Variants in FGR observed in about 807,000 individuals in gnomAD.
The protein encoded by FGR is FGR proto-oncogene, Src family tyrosine kinase.
Under a neutral mutation model 63.2 loss-of-function variants are expected in FGR, and 26 were observed. The ratio of observed to expected loss-of-function variants is 0.41; its 90% confidence interval spans 0.30 to 0.57. The LOEUF (loss-of-function observed/expected upper bound fraction) is 0.57. Among genes scored for constraint, FGR ranks in the 20% least tolerant of loss-of-function variants. The probability of loss-of-function intolerance (pLI) is 0.27; values close to 1 mark genes in which losing one functional copy is unlikely to be tolerated. For synonymous variants in FGR, 286 were observed against 277.7 expected, an observed-to-expected ratio of 1.03 and a Z score of -0.30; for missense variants, 511 against 690.8, an observed-to-expected ratio of 0.74 and a Z score of 2.92.
intron 4 of FGR, among the ~76,000 whole-genome samples, chr1:27,622,356 C>A (rs1348641227): frequency 7.3e-5 from 11 of 151,720 alleles, no homozygotes; most frequent in Admixed American, 5.9e-4. Flanking sequence ...CTGTTCTCTC[C>A]CATTCTGCAT....
At position 27,615,586 on chromosome 1, in the gene FGR, G is replaced by A; in HGVS notation, c.866C>T (p.Ala289Val). 1.2e-6 allele frequency: 2 copies of A among 1,612,506 alleles called. No homozygotes were observed. The highest frequency in any genetic ancestry group is 1.7e-6 in the Non-Finnish European group (2 of 1,178,708). ...GGTGCCCGGCTTCAGCGTCTTCACC[G>A]CCACCTTAGTGCTGCCGTTCCACGT... Reference protein sequence around the residue: ...LGTWNGSTKVAVKTLKPGTMS... With the variant: ...LGTWNGSTKVVVKTLKPGTMS... Residue 289 changes from alanine to valine, a missense_variant, in exon 9 of 13, where the codon GCG becomes GTG. Ala to Val is a moderately conservative substitution (Grantham distance 64, BLOSUM62 0). Transcript: ENST00000374005. The surrounding 1 kb of genome is among the most constrained non-coding windows in gnomAD (Gnocchi z 7.6).
At position 27,615,744 on chromosome 1, in the gene FGR, G is replaced by A. The variant is rs1476547341; in HGVS notation, c.783C>T (p.Ser261=). The A allele has an allele frequency of 3.1e-6, 5 of 1,609,300 alleles. No homozygotes were observed. Among genetic ancestry groups the A allele is most frequent in the Non-Finnish European group, 4.2e-6 (5 of 1,177,846 alleles). The change falls in exon 8 of 13, where the codon AGC becomes AGT. Residue 261 remains serine, a synonymous_variant. Transcript: ENST00000374005. The surrounding 1 kb of genome is among the most constrained non-coding windows in gnomAD (Gnocchi z 7.6). The part of the protein sequence containing the change: ...LAKDAWEISR[S]SITLERRLGT... ...CCAGCCGGCGCTCCAGCGTGATGGA[G>A]CTGCGGCTGATCTCCCAGGCGTCCT...
intron 4 of FGR, among the ~76,000 whole-genome samples, chr1:27,622,288 CA>C (rs1210861502): frequency 3.2e-3 from 136 of 42,244 alleles, no homozygotes; most frequent in Middle Eastern, 0.011. Flanking sequence ...GACTCCAACT[CA>C]AAAAAAAAAA....
At position 27,612,672 on chromosome 1, in the gene FGR, G is replaced by A. The variant is rs1042292539; in HGVS notation, c.*242C>T. 3.4e-5 allele frequency: 18 copies of A among 523,456 alleles called. No individual in the cohort carries two copies. The highest frequency in any genetic ancestry group is 2.8e-4 in the African/African-American group (15 of 52,786). 32.4% of individuals were successfully genotyped at this position (523,456 alleles called of 1,614,324 possible). ...TGAGAAAGGCTACAGGCATGTAGGGGCCTAAGTGGAAAAGGAAGAAATAGT... is the reference window on the plus strand; with the variant it reads ...TGAGAAAGGCTACAGGCATGTAGGGACCTAAGTGGAAAAGGAAGAAATAGT... On this transcript the variant is annotated 3_prime_UTR_variant, in exon 13 of 13. Transcript: ENST00000374005.
chr1:27,632,103 C>G (rs1028062981), intron 1 of FGR, among the ~76,000 whole-genome samples: 96 of 151,116 alleles, frequency 6.4e-4, no homozygotes, highest in African/African-American at 2.3e-3. Flanking sequence ...CATTAACTCC[C>G]TTTCTTTCTT....
At chr1:27,626,268 T>A in intron 1 of FGR, 2 of 398,550 alleles carry the variant, frequency 5.0e-6, no homozygotes. Flanking sequence ...AGGGCTTGGT[T>A]TCCTAAGATG....
Position 27,616,807 on chromosome 1 carries a change from G to A in FGR, c.682+50C>T. ...TCTCTGGGCCTCAGTTCCCCCATCT[G>A]GACAATGCTTCAGTTGGTTGGTTCA... On this transcript the variant is annotated intron_variant, in intron 7 of 12. Coordinates refer to ENST00000374005, the MANE Select transcript of FGR (RefSeq NM_005248.3). This position sits in a 1 kb window ranked among gnomAD's most constrained non-coding sequence, Gnocchi z 4.3. The A allele has an allele frequency of 2.5e-6, 4 of 1,596,412 alleles. No individual in the cohort carries two copies. Among genetic ancestry groups the A allele is most frequent in the Non-Finnish European group, 3.4e-6 (4 of 1,164,346 alleles).
chr1:27,618,812 C>T (rs550975137), intron 5 of FGR, among the ~76,000 whole-genome samples: 4 of 152,290 alleles, frequency 2.6e-5, no homozygotes, highest in Admixed American at 2.0e-4. Flanking sequence ...TCCATCTTGC[C>T]GTCAACATTC....
At chr1:27,614,376 T>C (rs2148523549) in intron 11 of FGR, 54 bp downstream of exon 11, 1 of 1,577,380 alleles carries the variant, frequency 6.3e-7, no homozygotes, top group Non-Finnish European at 8.6e-7. Flanking sequence ...TGGGGCCCCA[T>C]GGAAGTCCCT....
At chr1:27,623,519 T>C (rs1405068584) in intron 3 of FGR, 172 bp downstream of exon 3, 1 of 717,122 alleles carries the variant, frequency 1.4e-6, no homozygotes, top group Non-Finnish European at 2.5e-6. Flanking sequence ...CTGCAGACTG[T>C]GGTTTCTGAT....
chr1:27,623,625 CTCT>C (rs773822274), intron 3 of FGR, 63 bp downstream of exon 3: 46 of 1,545,030 alleles, frequency 3.0e-5, no homozygotes, highest in African/African-American at 1.4e-5. Flanking sequence ...AAGTTCGCAT[CTCT>C]TCTTCTTCCC....
At chr1:27,618,952 C>G (rs1265716192) in intron 5 of FGR, among the ~76,000 whole-genome samples, 1 of 152,222 alleles carries the variant, frequency 6.6e-6, no homozygotes, top group Non-Finnish European at 1.5e-5. Context: ...AGAGAAATCT[C>G]TCACCAAGGT....
intron 12 of FGR, 27 bp from the exon 13 acceptor site, chr1:27,613,149 AG>A (rs1397859207): frequency 6.2e-7 from 1 of 1,611,210 alleles, no homozygotes; most frequent in African/African-American, 1.3e-5. Flanking sequence ...TGTCAGTCAA[AG>A]GGACAGCCAG....
intron 10 of FGR, 105 bp from the exon 11 acceptor site, chr1:27,614,688 G>A (rs1327312731): frequency 7.0e-7 from 1 of 1,424,392 alleles, no homozygotes; most frequent in Non-Finnish European, 9.6e-7. Context: ...TCCAGAGGGG[G>A]AGACTGAGGC....
In FGR at chr1:27,612,882, C is replaced by A; in HGVS notation, c.*32G>T. ...TCTGGGGATTGGCAAGGACTGGTGG[C>A]CACCGCCAGAGAGGGTTGATGCCCG... On this transcript the variant is annotated 3_prime_UTR_variant, in exon 13 of 13. Coordinates refer to ENST00000374005, the MANE Select transcript of FGR (RefSeq NM_005248.3). 1 of 1,591,854 alleles carries A rather than the reference C, an allele frequency of 6.3e-7. No homozygotes were observed. Among genetic ancestry groups the A allele is most frequent in the Non-Finnish European group, 8.6e-7 (1 of 1,165,384 alleles).
At chr1:27,623,981 T>C in intron 2 of FGR, 52 bp from the exon 3 acceptor site, 4 of 1,423,260 alleles carry the variant, frequency 2.8e-6, no homozygotes, top group Non-Finnish European at 3.8e-6. Flanking sequence ...TGCACCACCC[T>C]GTGCACACAC....
intron 1 of FGR, among the ~76,000 whole-genome samples, chr1:27,629,210 AAAAAGAAAAG>A (rs553090572): frequency 2.0e-5 from 3 of 152,066 alleles, no homozygotes; most frequent in Non-Finnish European, 2.9e-5. Flanking sequence ...TGACTCTCAA[AAAAAGAAAAG>A]AAAAGAAAAG....
rs780043692 is a variant in FGR, at chr1:27,613,234, G to T, written c.1366C>A (p.Arg456=). ...ILLTELITKG[R]IPYPGMNKRE... is the part of the protein sequence containing the mutation. The stretch of plus-strand genomic sequence containing the variant: ...CGAGGCAAACCTGGGTAGGGGATTC[G>T]GCCCTTGGTGATGAGCTCAGTGAGC... Residue 456 remains arginine (R), a synonymous_variant, in exon 12 of 13, where the codon CGA becomes AGA. Coordinates refer to ENST00000374005, the MANE Select transcript of FGR (RefSeq NM_005248.3). 1.2e-6 allele frequency: 2 copies of T among 1,613,988 alleles called. No individual in the cohort carries two copies. Among genetic ancestry groups the T allele is most frequent in the Non-Finnish European group, 1.7e-6 (2 of 1,179,856 alleles).
intron 1 of FGR, among the ~76,000 whole-genome samples, chr1:27,631,321 T>G (rs958638012): frequency 1.3e-5 from 2 of 152,152 alleles, no homozygotes; most frequent in African/African-American, 4.8e-5. Context: ...GGACCCTGCC[T>G]CCCACTCACC....
Sources: allele counts gnomAD v4.1 joint callset (sites outside exome capture counted in the v4.1 genomes callset), GRCh38; gene constraint gnomAD v4.1.1; non-coding constraint Gnocchi (gnomAD v3.1); transcripts MANE v1.5; gene names NCBI Gene and HGNC (gene_info 2026-07-23, HGNC 2026-07-21).